GTF2I: variants seen among roughly 807,000 people sequenced by gnomAD.
GTF2I encodes the protein general transcription factor II-I.
GTF2I carries 12 observed loss-of-function variants against 67.6 expected under a neutral mutation model. The ratio of observed to expected loss-of-function variants is 0.18; its 90% CI spans 0.11 to 0.29. The LOEUF is 0.29. Ranked by LOEUF, GTF2I falls within the 10% of genes least tolerant of loss-of-function variation. The pLI, the probability that GTF2I is intolerant of heterozygous loss-of-function variation, is 1.00. For missense variants in GTF2I, 271 were observed against 580.1 expected (o/e 0.47, Z 5.47); for synonymous variants, 149 against 197.0 (o/e 0.76, Z 2.04).
chr7:74,672,919 G>A (rs1266110084), intron 1 of GTF2I, among the ~76,000 whole-genome samples: 2 of 152,126 alleles, frequency 1.3e-5, no homozygotes, highest in Non-Finnish European at 2.9e-5. Flanking sequence ...GGAGTGCAGT[G>A]GCACGATCTC....
In GTF2I at chr7:74,734,033, C is replaced by T. The variant is rs1196801462; in HGVS notation, c.1363+52C>T. The stretch of plus-strand genomic sequence containing the variant: ...AGAAGATTATGTGCAATAATTATTT[C>T]ACGCTTAACATTGATTTCTTCTTTA... On this transcript the variant is annotated intron_variant, in intron 16 of 34. Transcript: ENST00000573035. 2.4e-6 allele frequency: 3 copies of T among 1,262,360 alleles called. No individual in the cohort carries two copies. In the Admixed American group the frequency reaches 5.5e-5, roughly 23 times the overall value. The allele number at this position is 1,262,360 out of a possible 1,614,324, so 78.2% of individuals were successfully genotyped here. A position where few individuals can be genotyped will look rare whatever the true frequency, so the allele number is the denominator to read the frequency against.
At chr7:74,665,259 T>G (rs1804873526) in intron 1 of GTF2I, among the ~76,000 whole-genome samples, 1 of 151,636 alleles carries the variant, frequency 6.6e-6, no homozygotes, top group Non-Finnish European at 1.5e-5. Context: ...TTATTTTTAT[T>G]TTTATTTTTT....
intron 1 of GTF2I, among the ~76,000 whole-genome samples, chr7:74,680,099 A>AAAAAAAAAAAAAAATATATAT: frequency 3.2e-5 from 3 of 94,998 alleles, no homozygotes; most frequent in Non-Finnish European, 2.1e-5. Flanking sequence ...AAAAAAAAAA[A>AAAAAAAAAAAAAAATATATAT]ATATATATAT....
At chr7:74,697,015 G>C (rs1049968171) in intron 3 of GTF2I, among the ~76,000 whole-genome samples, 13 of 149,020 alleles carry the variant, frequency 8.7e-5, no homozygotes, top group African/African-American at 3.1e-4. Flanking sequence ...GAACATTAAA[G>C]AAAAATAAAG....
intron 6 of GTF2I, among the ~76,000 whole-genome samples, chr7:74,703,432 T>G (rs587680115): frequency 6.7e-5 from 10 of 149,228 alleles, no homozygotes; most frequent in Non-Finnish European, 1.3e-4. Context: ...CAGGCTGGAG[T>G]GCGGTGGCAT....
intron 1 of GTF2I, among the ~76,000 whole-genome samples, chr7:74,674,039 A>C (rs1274234573): frequency 1.3e-5 from 2 of 151,274 alleles, no homozygotes; most frequent in Non-Finnish European, 2.9e-5. Context: ...TAAAATGTAC[A>C]ACTAATATAA....
rs1161320476 is a variant in GTF2I, at chr7:74,662,511, C to CTTTTTTTTTTTTTTTTT, written c.-6+4456_-6+4472dup. 1.6e-4 allele frequency among the ~76,000 whole-genome samples: 8 copies of CTTTTTTTTTTTTTTTTT among 50,220 alleles called. 2 individuals are homozygous for CTTTTTTTTTTTTTTTTT. In the East Asian group the frequency reaches 2.2e-3, roughly 14 times the overall value. 32.9% of individuals were successfully genotyped at this position (50,220 alleles called of 152,430 possible). A position where few individuals can be genotyped will look rare whatever the true frequency, so the allele number is the denominator to read the frequency against. ...AGGCGTGAGCCACTGCACCTGGACC[C>CTTTTTTTTTTTTTTTTT]TTTTTTTTTTTTTTTTTTTTTTTTT... On this transcript the variant is annotated intron_variant, in intron 1 of 34. Coordinates refer to ENST00000573035, the MANE Select transcript of GTF2I (RefSeq NM_032999.4).
intron 1 of GTF2I, among the ~76,000 whole-genome samples, chr7:74,665,856 T>C (rs1407381668): frequency 6.6e-6 from 1 of 151,992 alleles, no homozygotes; most frequent in Non-Finnish European, 1.5e-5. Context: ...TTTGTTGAGA[T>C]GGAGTCTCCC....
intron 1 of GTF2I, chr7:74,684,543 A>T (rs966670423): frequency 7.9e-5 from 12 of 152,282 alleles, no homozygotes; most frequent in African/African-American, 2.7e-4. Context: ...GCCGTCCCCA[A>T]GTGAAGGGTG....
intron 6 of GTF2I, among the ~76,000 whole-genome samples, chr7:74,703,904 C>T (rs1285038060): frequency 6.6e-6 from 1 of 152,200 alleles, no homozygotes; most frequent in African/African-American, 2.4e-5. Flanking sequence ...GCAGAAAAGA[C>T]CGTCCTTTCC....
chr7:74,677,639 G>A (rs183671956), intron 1 of GTF2I, among the ~76,000 whole-genome samples: 39 of 151,720 alleles, frequency 2.6e-4, no homozygotes, highest in African/African-American at 8.7e-4. Flanking sequence ...AAAATTAGCC[G>A]GGCGTGGTGA....
chr7:74,671,722 C>T (rs1489005650), intron 1 of GTF2I, among the ~76,000 whole-genome samples: 2 of 152,066 alleles, frequency 1.3e-5, no homozygotes, highest in Non-Finnish European at 2.9e-5. Context: ...TGTCTCACGC[C>T]TGTAATCTGA....
intron 1 of GTF2I, among the ~76,000 whole-genome samples, chr7:74,679,330 C>T (rs587747576): frequency 2.1e-4 from 32 of 152,150 alleles, no homozygotes; most frequent in African/African-American, 7.0e-4. Flanking sequence ...CCTGACTTGA[C>T]CTCCCAAAAT....
intron 12 of GTF2I, among the ~76,000 whole-genome samples, chr7:74,720,703 A>G (rs1188470163): frequency 6.7e-6 from 1 of 150,144 alleles, no homozygotes; most frequent in Non-Finnish European, 1.5e-5. Context: ...ACTAATAACC[A>G]TTTTGATTTG....
intron 1 of GTF2I, among the ~76,000 whole-genome samples, chr7:74,671,115 C>T (rs945422657): frequency 1.8e-5 from 2 of 112,278 alleles, no homozygotes; most frequent in Non-Finnish European, 3.3e-5. Context: ...GAGACAGAGT[C>T]TCACTCTGTT....
chr7:74,718,183 C>G (rs1456276116), intron 11 of GTF2I, among the ~76,000 whole-genome samples: 1 of 152,172 alleles, frequency 6.6e-6, no homozygotes, highest in African/African-American at 2.4e-5. Flanking sequence ...AAAGTTGAAT[C>G]GAATCTGGGT....
At chr7:74,692,471 C>T (rs993937912) in intron 3 of GTF2I, among the ~76,000 whole-genome samples, 3 of 152,216 alleles carry the variant, frequency 2.0e-5, no homozygotes, top group Admixed American at 1.3e-4. Flanking sequence ...CTCCTCCACT[C>T]CCTCACAGAT....
intron 14 of GTF2I, among the ~76,000 whole-genome samples, chr7:74,731,178 A>G (rs1554406631): frequency 6.7e-6 from 1 of 149,898 alleles, no homozygotes; most frequent in Non-Finnish European, 1.5e-5. Flanking sequence ...AATAAAAATC[A>G]TTTTATTTTT....
At chr7:74,676,767 A>G (rs1187207739) in intron 1 of GTF2I, among the ~76,000 whole-genome samples, 1 of 152,178 alleles carries the variant, frequency 6.6e-6, no homozygotes, top group Admixed American at 6.6e-5. Context: ...TTAAATACCA[A>G]CAATTTGGCT....
Sources: gnomAD v4.1 joint callset for allele counts (sites outside exome capture counted in the v4.1 genomes callset) on GRCh38, gnomAD v4.1.1 for gene constraint, MANE v1.5 for transcripts, NCBI Gene and HGNC (gene_info 2026-07-23, HGNC 2026-07-21) for gene names.